The following NXPE2 variants were observed in gnomAD, a reference collection of about 807,000 sequenced individuals.
The protein encoded by NXPE2 is neurexophilin and PC-esterase domain family member 2.
Under a neutral mutation model 34.4 loss-of-function variants are expected in NXPE2, and 34 were observed. The observed-to-expected ratio is 0.99, with a 90% confidence interval of 0.75 to 1.31. The LOEUF (loss-of-function observed/expected upper bound fraction) is 1.31, where lower values mean the gene tolerates loss of function less well. Ranked by LOEUF, NXPE2 falls within the 40% of genes most tolerant of loss-of-function variation. NXPE2 has a pLI of 0.00. For synonymous variants in NXPE2, 235 were observed against 231.3 expected (o/e 1.02, Z -0.15); for missense variants, 649 against 672.5 (o/e 0.97, Z 0.39).
At chr11:114,581,802 A>C in the NXPE2 span, 3 of 1,580,214 alleles carry the variant, frequency 1.9e-6, no homozygotes, top group Non-Finnish European at 2.6e-6. Flanking sequence ...AGACACAAAT[A>C]CAGAAATTAA....
At chr11:114,481,743 A>G in the NXPE2 span, among the ~76,000 whole-genome samples, 1 of 152,116 alleles carries the variant, frequency 6.6e-6, no homozygotes, top group Non-Finnish European at 1.5e-5. Context: ...ATGGCATTTA[A>G]TTCTGTCTGT....
the NXPE2 span, among the ~76,000 whole-genome samples, chr11:114,746,394 GT>G: frequency 6.6e-6 from 1 of 152,170 alleles, no homozygotes; most frequent in Non-Finnish European, 1.5e-5. Flanking sequence ...TAGAAGTCAA[GT>G]ATTACAAGAA....
chr11:114,611,996 A>G, the NXPE2 span, among the ~76,000 whole-genome samples: 2 of 151,924 alleles, frequency 1.3e-5, no homozygotes, highest in African/African-American at 4.8e-5. Flanking sequence ...TACCCAGTGG[A>G]TAATAAGTCA....
At chr11:114,580,352 A>G in the NXPE2 span, 1 of 1,610,286 alleles carries the variant, frequency 6.2e-7, no homozygotes, top group Non-Finnish European at 8.5e-7. Flanking sequence ...CCAAAGAATC[A>G]ATGAGATAGG....
At chr11:114,606,827 G>A in the NXPE2 span, among the ~76,000 whole-genome samples, 12 of 152,008 alleles carry the variant, frequency 7.9e-5, no homozygotes, top group East Asian at 7.8e-4. Flanking sequence ...TTACCCAGTC[G>A]ATAATAAGTG....
At chr11:114,763,696 G>A in the NXPE2 span, among the ~76,000 whole-genome samples, 1 of 152,100 alleles carries the variant, frequency 6.6e-6, no homozygotes, top group Non-Finnish European at 1.5e-5. Flanking sequence ...TCCATCACCA[G>A]TGCCAGCTCT....
At chr11:114,767,484 A>C in the NXPE2 span, among the ~76,000 whole-genome samples, 48,402 of 152,044 alleles carry the variant, frequency 0.32, 8,480 homozygotes, top group East Asian at 0.43. Context: ...TGCAGTTTCC[A>C]TTCGCCAAAT....
At chr11:114,697,102 C>A (rs952624496) in intron 2 of NXPE2, among the ~76,000 whole-genome samples, 1 of 152,024 alleles carries the variant, frequency 6.6e-6, no homozygotes, top group African/African-American at 2.4e-5. Context: ...ATTTTTGGAC[C>A]ATGGTTGACC....
At chr11:114,763,405 C>T in the NXPE2 span, among the ~76,000 whole-genome samples, 8 of 152,120 alleles carry the variant, frequency 5.3e-5, no homozygotes, top group Non-Finnish European at 1.0e-4. Flanking sequence ...AAAAGCAAAA[C>T]AAAACACCCT....
At chr11:114,744,944 A>C in the NXPE2 span, among the ~76,000 whole-genome samples, 3 of 152,226 alleles carry the variant, frequency 2.0e-5, no homozygotes, top group African/African-American at 7.2e-5. Flanking sequence ...ATAGTTAATA[A>C]ATAAGAATAT....
At chr11:114,655,605 T>G in the NXPE2 span, among the ~76,000 whole-genome samples, 1 of 152,220 alleles carries the variant, frequency 6.6e-6, no homozygotes, top group Non-Finnish European at 1.5e-5. Flanking sequence ...TGCTTGTTTT[T>G]GTCAGGTTTG....
the NXPE2 span, among the ~76,000 whole-genome samples, chr11:114,802,904 A>T: frequency 1.1e-4 from 2 of 18,698 alleles, no homozygotes; most frequent in African/African-American, 2.0e-4. Flanking sequence ...AAAGATAATT[A>T]AAAAAAAACG....
the NXPE2 span, among the ~76,000 whole-genome samples, chr11:114,785,676 A>AT: frequency 3.9e-5 from 6 of 152,080 alleles, no homozygotes; most frequent in Admixed American, 2.0e-4. Flanking sequence ...TAATTGATTA[A>AT]TTTTACCTCC....
At chr11:114,545,437 A>T in the NXPE2 span, among the ~76,000 whole-genome samples, 6 of 152,116 alleles carry the variant, frequency 3.9e-5, no homozygotes, top group African/African-American at 1.5e-4. Context: ...TCTTAAATGC[A>T]TAATGCTAAG....
the NXPE2 span, among the ~76,000 whole-genome samples, chr11:114,525,972 A>G: frequency 6.6e-6 from 1 of 152,140 alleles, no homozygotes; most frequent in Non-Finnish European, 1.5e-5. Flanking sequence ...TGACCAGGGT[A>G]TGGCCTTTGA....
chr11:114,637,540 T>C, the NXPE2 span, among the ~76,000 whole-genome samples: 1 of 151,062 alleles, frequency 6.6e-6, no homozygotes, highest in African/African-American at 2.4e-5. Context: ...CGTTAGTTGA[T>C]ACAGTTTCTT....
the NXPE2 span, among the ~76,000 whole-genome samples, chr11:114,634,314 G>C: frequency 6.6e-6 from 1 of 151,984 alleles, no homozygotes; most frequent in Admixed American, 6.6e-5. Flanking sequence ...AGAGTTGTTT[G>C]TTATTTTCTT....
At chr11:114,600,541 A>C in the NXPE2 span, among the ~76,000 whole-genome samples, 2 of 152,148 alleles carry the variant, frequency 1.3e-5, no homozygotes, top group East Asian at 1.9e-4. Flanking sequence ...ATAGAAAAAA[A>C]TTGAGTGACG....
At chr11:114,660,719 T>C in the NXPE2 span, among the ~76,000 whole-genome samples, 3 of 152,114 alleles carry the variant, frequency 2.0e-5, no homozygotes, top group African/African-American at 7.2e-5. Context: ...ATGTTCAATC[T>C]TGCTGTTCTT....
Sources: gnomAD v4.1 joint callset for allele counts (sites outside exome capture counted in the v4.1 genomes callset) on GRCh38, gnomAD v4.1.1 for gene constraint, MANE v1.5 for transcripts, NCBI Gene and HGNC (gene_info 2026-07-23, HGNC 2026-07-21) for gene names.